Variants in CCZ1B observed in about 807,000 individuals in gnomAD.
CCZ1B encodes CCZ1B vacuolar protein trafficking and biogenesis associated.
A neutral mutation model predicts 58.8 loss-of-function variants in CCZ1B; 25 were observed. That is an observed-to-expected ratio of 0.43 (90% CI 0.31 to 0.59). The LOEUF is 0.59. Ranked by LOEUF, CCZ1B falls within the 20% of genes least tolerant of loss-of-function variation. The pLI is 0.12. For synonymous variants in CCZ1B, 66 were observed against 173.2 expected (o/e 0.38, Z 4.86); for missense variants, 180 against 501.5 (o/e 0.36, Z 6.12).
intron 8 of CCZ1B, 40 bp downstream of exon 8, chr7:6,814,724 C>T: frequency 4.5e-6 from 7 of 1,551,054 alleles, no homozygotes; most frequent in Non-Finnish European, 6.2e-6. Flanking sequence ...CTCTCTGTGC[C>T]CCTGCATGTA....
Position 6,820,098 on chromosome 7 carries a change from CTGAG to C in CCZ1B, c.523-161_523-158del, listed in dbSNP as rs1783084625. Among the ~76,000 whole-genome samples the C allele has an allele frequency of 3.3e-5, 5 of 149,384 alleles. 1 individual carries two copies. The highest frequency in any genetic ancestry group is 4.3e-4 in the South Asian group (2 of 4,608). ...GAGGCCGTGGTGAAGACATGGGTGA[CTGAG>C]TGTCAACTCAGTACCAATTCCAAGA... is the stretch of plus-strand genomic sequence containing the variant. On this transcript the variant is annotated intron_variant, in intron 6 of 14. Coordinates refer to ENST00000316731, the MANE Select transcript of CCZ1B (RefSeq NM_198097.5).
intron 6 of CCZ1B, among the ~76,000 whole-genome samples, chr7:6,821,723 T>C (rs1357108624): frequency 6.0e-5 from 9 of 150,112 alleles, no homozygotes; most frequent in African/African-American, 2.3e-4. Flanking sequence ...CTTTGTTTCC[T>C]TTTAAAAAAA....
At chr7:6,823,058 C>A (rs1370512663) in intron 5 of CCZ1B, among the ~76,000 whole-genome samples, 1 of 148,154 alleles carries the variant, frequency 6.7e-6, no homozygotes, top group South Asian at 2.1e-4. Context: ...GTTCCTTGAG[C>A]ACATAGATAC....
At chr7:6,819,979 T>C (rs1395997580) in intron 6 of CCZ1B, 38 bp from the exon 7 acceptor site, 13 of 1,563,040 alleles carry the variant, frequency 8.3e-6, no homozygotes, top group Non-Finnish European at 1.1e-5. Context: ...TTACTAATAG[T>C]ACACTGAATA....
intron 10 of CCZ1B, among the ~76,000 whole-genome samples, chr7:6,808,285 G>A (rs1405350529): frequency 8.2e-6 from 1 of 122,474 alleles, no homozygotes; most frequent in Admixed American, 9.7e-5. Context: ...ACACATCCTC[G>A]ATGGGGAAAC....
intron 6 of CCZ1B, among the ~76,000 whole-genome samples, chr7:6,820,915 C>CAA (rs377633614): frequency 0.034 from 3,354 of 99,754 alleles, 69 homozygotes; most frequent in African/African-American, 0.1. Flanking sequence ...GACTCTGTCT[C>CAA]AAAAAAAAAA....
intron 7 of CCZ1B, among the ~76,000 whole-genome samples, chr7:6,818,553 AAGAAAGAAAGAC>A (rs563263283): frequency 0.048 from 5,196 of 107,538 alleles, 414 homozygotes; most frequent in South Asian, 0.097. Flanking sequence ...GTTAGAAAGA[AAGAAAGAAAGAC>A]AGAAAGAAAG....
chr7:6,818,647 A>C (rs560876073), intron 7 of CCZ1B, among the ~76,000 whole-genome samples: 8,796 of 128,112 alleles, frequency 0.069, 667 homozygotes, highest in South Asian at 0.11. Context: ...GAAAGAAAGA[A>C]AGACAGAAAG....
chr7:6,803,985 T>C (rs1474291707), intron 12 of CCZ1B, among the ~76,000 whole-genome samples: 2 of 146,808 alleles, frequency 1.4e-5, no homozygotes, highest in South Asian at 2.3e-4. Context: ...CGTATGAACA[T>C]TAAGACCATG....
At position 6,823,370 on chromosome 7, in the gene CCZ1B, C is replaced by T. The variant is rs746644141; in HGVS notation, c.391-10G>A. ...AGCTATAAACCTTGTCCTGCAGACG[C>T]GAAAACACAGCACACAGCTCAGTTC... On this transcript the variant is annotated splice_polypyrimidine_tract_variant and intron_variant, in intron 4 of 14. Coordinates refer to ENST00000316731, the MANE Select transcript of CCZ1B (RefSeq NM_198097.5). 8.7e-6 allele frequency: 14 copies of T among 1,607,558 alleles called. No homozygotes were observed. The highest frequency in any genetic ancestry group is 6.7e-5 in the East Asian group (3 of 44,850).
chr7:6,803,819 G>A (rs1253828674), intron 12 of CCZ1B, among the ~76,000 whole-genome samples: 5 of 151,372 alleles, frequency 3.3e-5, no homozygotes, highest in African/African-American at 9.7e-5. Context: ...AAATTAGCCA[G>A]GCATGATGGC....
intron 7 of CCZ1B, among the ~76,000 whole-genome samples, chr7:6,815,957 G>A (rs997901729): frequency 6.9e-6 from 1 of 145,702 alleles, no homozygotes; most frequent in Non-Finnish European, 1.5e-5. Flanking sequence ...GTGATCCTAG[G>A]TCTCAGAAAT....
intron 12 of CCZ1B, among the ~76,000 whole-genome samples, chr7:6,804,246 G>A (rs1263910259): frequency 8.2e-6 from 1 of 122,114 alleles, no homozygotes; most frequent in Non-Finnish European, 1.7e-5. Flanking sequence ...CCAACATGGT[G>A]AAACCGTCTC....
At position 6,816,522 on chromosome 7, in the gene CCZ1B, A is replaced by G. The variant is rs368996172; in HGVS notation, c.699-1677T>C. Among the ~76,000 whole-genome samples the G allele has an allele frequency of 3.3e-5, 5 of 150,696 alleles. No individual in the cohort carries two copies. In the East Asian group the frequency reaches 5.8e-4, roughly 17 times the overall value. ...TCAAAGCAATATACTAAGTAAATACATAAGGGTAATATATACTCTGCTTGT... is the reference window on the plus strand; with the variant it reads ...TCAAAGCAATATACTAAGTAAATACGTAAGGGTAATATATACTCTGCTTGT... On this transcript the variant is annotated intron_variant, in intron 7 of 14. Transcript: ENST00000316731.
chr7:6,803,946 T>TAA (rs1192034108), intron 12 of CCZ1B, among the ~76,000 whole-genome samples: 8 of 97,288 alleles, frequency 8.2e-5, no homozygotes, highest in East Asian at 3.0e-4. Flanking sequence ...GACTCTGTCT[T>TAA]AAAAAAAAAA....
At chr7:6,812,157 T>G in intron 9 of CCZ1B, 94 bp from the exon 10 acceptor site, 1 of 1,160,554 alleles carries the variant, frequency 8.6e-7, no homozygotes, top group Non-Finnish European at 1.3e-6. Flanking sequence ...TACACACCAG[T>G]TGCTTTTGAT....
chr7:6,811,701 C>G, intron 10 of CCZ1B: 1 of 382,612 alleles, frequency 2.6e-6, no homozygotes, highest in Non-Finnish European at 4.8e-6. Flanking sequence ...TTTGAGAGCA[C>G]GTGAGACTTC....
chr7:6,808,400 AAAAAACAAAACAAAAACC>A (rs1782866517), intron 10 of CCZ1B, among the ~76,000 whole-genome samples: 1 of 67,322 alleles, frequency 1.5e-5, no homozygotes, highest in African/African-American at 5.4e-5. Flanking sequence ...AAAAAAAAAC[AAAAAACAAAACAAAAACC>A]CAAAAAACCA....
rs373449751 is a variant in CCZ1B, at chr7:6,819,844, T to A, written c.620A>T (p.Gln207Leu). ...PLDKMTYLKI[Q>L]SFINRMEESL... The stretch of plus-strand genomic sequence containing the variant: ...TTCCTCCATTCTATTAATAAAGGAC[T>A]GGATTTTCAAATAAGTCATTTTATC... The change falls in exon 7 of 15, where the codon CAG becomes CTG. Residue 207 changes from glutamine (Q) to leucine (L), a missense_variant. Coordinates refer to ENST00000316731, the MANE Select transcript of CCZ1B (RefSeq NM_198097.5). The A allele has an allele frequency of 1.3e-6, 2 of 1,573,892 alleles. No homozygotes were observed. The highest frequency in any genetic ancestry group is 1.7e-6 in the Non-Finnish European group (2 of 1,150,226).
Sources: gnomAD v4.1 joint callset for allele counts (sites outside exome capture counted in the v4.1 genomes callset) on GRCh38, gnomAD v4.1.1 for gene constraint, MANE v1.5 for transcripts, NCBI Gene and HGNC (gene_info 2026-07-23, HGNC 2026-07-21) for gene names.